The following KSR1 variants were observed in gnomAD, a reference collection of about 807,000 sequenced individuals.
The protein encoded by KSR1 is kinase suppressor of ras.
A neutral mutation model predicts 92.9 loss-of-function variants in KSR1; 35 were observed. The ratio of observed to expected loss-of-function variants is 0.38; its 90% CI spans 0.29 to 0.50. The LOEUF is 0.50. Among genes scored for constraint, KSR1 ranks in the 20% least tolerant of loss-of-function variants. The pLI, the probability that KSR1 is intolerant of heterozygous loss-of-function variation, is 0.94. For synonymous variants in KSR1, 467 were observed against 472.6 expected, an observed-to-expected ratio of 0.99 and a Z score of 0.15; for missense variants, 972 against 1,158.5, an observed-to-expected ratio of 0.84 and a Z score of 2.34.
chr17:27,597,338 C>T lies in KSR1; in HGVS notation c.1370C>T (p.Ser457Phe). Residue 457 changes from serine (S) to phenylalanine (F), a missense_variant, in exon 10 of 21, where the codon TCC becomes TTC. By Grantham distance (155) the Ser-to-Phe change is radical. Transcript: ENST00000644974. ...NPSSTTSSTP[S>F]SPAPFPTSSN... ...TCCTCCACCACCTCCTCCACACCCT[C>T]CTCACCGGCGCCCTTCCCGACATCA... The T allele has an allele frequency of 6.2e-7, 1 of 1,612,984 alleles. No individual in the cohort carries two copies. Among genetic ancestry groups the T allele is most frequent in the Non-Finnish European group, 8.5e-7 (1 of 1,179,474 alleles).
At chr17:27,542,007 A>C (rs10775412) in intron 1 of KSR1, among the ~76,000 whole-genome samples, 46,756 of 152,144 alleles carry the variant, frequency 0.31, 7,612 homozygotes, top group East Asian at 0.66. Context: ...ATCCCATCAG[A>C]AGTCTGGAAG....
At chr17:27,578,823 A>T (rs570613323) in intron 3 of KSR1, 1 of 152,364 alleles carries the variant, frequency 6.6e-6, no homozygotes, top group African/African-American at 2.4e-5. Flanking sequence ...TCACTAATTT[A>T]TGCACCTACT....
intron 1 of KSR1, among the ~76,000 whole-genome samples, chr17:27,546,047 G>T (rs897212467): frequency 2.0e-5 from 3 of 152,220 alleles, no homozygotes; most frequent in Non-Finnish European, 4.4e-5. Context: ...GTGGAAAAGA[G>T]TGGTTTTGAG....
intron 1 of KSR1, among the ~76,000 whole-genome samples, chr17:27,457,839 A>G (rs1271590808): frequency 1.3e-5 from 2 of 152,062 alleles, no homozygotes; most frequent in South Asian, 2.1e-4. Context: ...TTGCCCTGCC[A>G]CATCTGGCCT....
intron 2 of KSR1, among the ~76,000 whole-genome samples, chr17:27,561,900 G>A (rs548732892): frequency 6.6e-6 from 1 of 152,192 alleles, no homozygotes; most frequent in South Asian, 2.1e-4. Flanking sequence ...GGCTGGAGTA[G>A]AGTGACGCAA....
intron 5 of KSR1, chr17:27,587,006 A>G (rs899964716): frequency 2.6e-5 from 4 of 152,148 alleles, no homozygotes; most frequent in East Asian, 1.9e-4. Context: ...CCGAGTAGCC[A>G]GGATTAAAGG....
chr17:27,493,701 A>G (rs2068893873), intron 1 of KSR1, among the ~76,000 whole-genome samples: 1 of 152,146 alleles, frequency 6.6e-6, no homozygotes, highest in African/African-American at 2.4e-5. Flanking sequence ...CAGCATCATG[A>G]AAAAGCCCAG....
At position 27,626,193 on chromosome 17, in the gene KSR1, C is replaced by T. The variant is rs1455274936; in HGVS notation, c.*2801C>T. The T allele has an allele frequency of 6.6e-6, 1 of 152,226 alleles. No homozygotes were observed. The highest frequency in any genetic ancestry group is 1.5e-5 in the Non-Finnish European group (1 of 68,044). 9.4% of individuals were successfully genotyped at this position (152,226 alleles called of 1,614,324 possible). On this transcript the variant is annotated 3_prime_UTR_variant, in exon 21 of 21. Transcript: ENST00000644974. ...GGATCTCATCAGCGTGCAAACCTAG[C>T]ATCTTCTGTGGCCACAAGCCACACA... is the stretch of plus-strand genomic sequence containing the variant.
In KSR1 at chr17:27,604,733, G is replaced by T; in HGVS notation, c.1614+5G>T. 6.2e-7 allele frequency: 1 copy of T among 1,613,982 alleles called. No homozygotes were observed. The highest frequency in any genetic ancestry group is 1.7e-5 in the Admixed American group (1 of 60,034). ...TTGGAAGCTCACGAAGCGGAGGTGA[G>T]GGTGACACACACGTGTCCACAGATG... On this transcript the variant is annotated splice_donor_5th_base_variant and intron_variant, in intron 13 of 20. Transcript: ENST00000644974.
At chr17:27,615,262 G>T (rs1402309667) in intron 18 of KSR1, among the ~76,000 whole-genome samples, 4 of 152,208 alleles carry the variant, frequency 2.6e-5, no homozygotes, top group Non-Finnish European at 5.9e-5. Context: ...TCCATGCTGT[G>T]CCTGTTGATG....
intron 1 of KSR1, among the ~76,000 whole-genome samples, chr17:27,533,003 C>A (rs926049865): frequency 7.2e-5 from 11 of 152,170 alleles, no homozygotes; most frequent in South Asian, 2.1e-4. Context: ...CCCTCTGAGT[C>A]CTTTTTTATA....
At chr17:27,606,791 C>T (rs79308362) in intron 14 of KSR1, among the ~76,000 whole-genome samples, 1 of 116,040 alleles carries the variant, frequency 8.6e-6, no homozygotes. Flanking sequence ...GACTCCATCT[C>T]AAAAAAAAAA....
chr17:27,598,145 C>T (rs1296156444), intron 10 of KSR1, among the ~76,000 whole-genome samples: 1 of 152,190 alleles, frequency 6.6e-6, no homozygotes, highest in East Asian at 1.9e-4. Flanking sequence ...GTGAAGCCCA[C>T]CTGCCCATTT....
chr17:27,485,873 C>A (rs4795691), intron 1 of KSR1, among the ~76,000 whole-genome samples: 91 of 152,228 alleles, frequency 6.0e-4, no homozygotes, highest in Non-Finnish European at 8.5e-4. Flanking sequence ...CTCTCCCACC[C>A]AGGGCTGCTC....
At chr17:27,526,622 T>G in intron 1 of KSR1, 1 of 1,571,560 alleles carries the variant, frequency 6.4e-7, no homozygotes. Flanking sequence ...TGTTCAGTCC[T>G]CGTGCATCTT....
chr17:27,556,716 G>C (rs982641158), intron 2 of KSR1, among the ~76,000 whole-genome samples: 3 of 152,228 alleles, frequency 2.0e-5, no homozygotes, highest in Non-Finnish European at 4.4e-5. Flanking sequence ...AGTCAGAGGA[G>C]GGAACAGGGT....
intron 2 of KSR1, among the ~76,000 whole-genome samples, chr17:27,553,000 GA>G (rs2071451404): frequency 6.6e-6 from 1 of 152,188 alleles, no homozygotes; most frequent in Non-Finnish European, 1.5e-5. Flanking sequence ...CAGGGTCCTA[GA>G]GCCACAGAGG....
At chr17:27,574,914 T>C (rs1258715800) in intron 2 of KSR1, among the ~76,000 whole-genome samples, 3 of 152,236 alleles carry the variant, frequency 2.0e-5, no homozygotes, top group Non-Finnish European at 4.4e-5. Flanking sequence ...CTTTGAACTC[T>C]CTCTGCTCTA....
intron 2 of KSR1, among the ~76,000 whole-genome samples, chr17:27,556,894 C>T (rs2071616410): frequency 6.6e-6 from 1 of 152,328 alleles, no homozygotes; most frequent in Admixed American, 6.5e-5. Flanking sequence ...GTTGTATTTT[C>T]TCCCTGGCTG....
Sources: gnomAD v4.1 joint callset for allele counts (sites outside exome capture counted in the v4.1 genomes callset) on GRCh38, gnomAD v4.1.1 for gene constraint, MANE v1.5 for transcripts, NCBI Gene and HGNC (gene_info 2026-07-23, HGNC 2026-07-21) for gene names.